Variants in RXFP1 observed in about 807,000 individuals in gnomAD.
The protein encoded by RXFP1 is relaxin family peptide receptor 1.
In RXFP1, 73 loss-of-function variants were observed where a neutral mutation model predicts 89.8. The observed-to-expected ratio is 0.81, with a 90% CI of 0.67 to 0.99. The LOEUF is 0.99. Ranked by LOEUF, RXFP1 falls within the 50% of genes least tolerant of loss-of-function variation. RXFP1 has a pLI of 0.00. For missense variants in RXFP1, 793 were observed against 895.5 expected (o/e 0.89, Z 1.46); for synonymous variants, 277 against 305.5 (o/e 0.91, Z 0.97).
In RXFP1 at chr4:158,612,499, T is replaced by C. The variant is rs892619819; in HGVS notation, c.680+137T>C. 19 of 617,046 alleles carry C rather than the reference T, an allele frequency of 3.1e-5. No individual in the cohort carries two copies. The African/African-American group carries it at 3.5e-4, about 11-fold the overall frequency. The allele number at this position is 617,046 out of a possible 1,614,324, so 38.2% of individuals were successfully genotyped here. A position where few individuals can be genotyped will look rare whatever the true frequency, so the allele number is the denominator to read the frequency against. On this transcript the variant is annotated intron_variant, in intron 8 of 17. Transcript: ENST00000307765. ...TTTTCAATGAAAAACCTTTTCTTAATCATATTCTATAAGGCTATTTATAGT... is the reference window on the plus strand; with the variant it reads ...TTTTCAATGAAAAACCTTTTCTTAACCATATTCTATAAGGCTATTTATAGT...
chr4:158,648,535 C>A lies in RXFP1; in HGVS notation c.1793C>A (p.Ser598Tyr). The change falls in exon 17 of 18, where the codon TCC (serine) becomes TAC (tyrosine). Residue 598 changes from serine (S) to tyrosine (Y), a missense_variant. Coordinates refer to ENST00000307765, the MANE Select transcript of RXFP1 (RefSeq NM_021634.4). The stretch of plus-strand genomic sequence containing the variant: ...GCCGCATTTATCATCATAGTTTTTT[C>A]CTATGGAAGCATGTTTTATAGTGTT... Reference protein sequence around the residue: ...NLAAFIIIVFSYGSMFYSVHQ... With the variant: ...NLAAFIIIVFYYGSMFYSVHQ... 1.2e-6 allele frequency: 2 copies of A among 1,607,654 alleles called. No individual in the cohort carries two copies. The highest frequency in any genetic ancestry group is 2.2e-5 in the South Asian group (2 of 89,578).
chr4:158,585,826 C>T (rs939391948), intron 2 of RXFP1, among the ~76,000 whole-genome samples: 1 of 152,002 alleles, frequency 6.6e-6, no homozygotes, highest in East Asian at 1.9e-4. Flanking sequence ...ATAATAAGAC[C>T]GTTATAAGCA....
At chr4:158,619,745 G>T (rs1005682960) in intron 9 of RXFP1, among the ~76,000 whole-genome samples, 5 of 151,100 alleles carry the variant, frequency 3.3e-5, no homozygotes, top group Non-Finnish European at 7.4e-5. Context: ...AAATCCTCCT[G>T]CACCCAGGGA....
intron 1 of RXFP1, among the ~76,000 whole-genome samples, chr4:158,538,942 T>C (rs1745937936): frequency 1.3e-5 from 2 of 152,144 alleles, no homozygotes; most frequent in Non-Finnish European, 2.9e-5. Context: ...ATTGTTCTAA[T>C]GAGATGAGTA....
chr4:158,585,297 T>TA (rs1758079710), intron 2 of RXFP1, among the ~76,000 whole-genome samples: 1 of 152,212 alleles, frequency 6.6e-6, no homozygotes, highest in Admixed American at 6.5e-5. Context: ...TTCCCAAACA[T>TA]ATGTTACCAT....
chr4:158,651,824 T>A lies in RXFP1; in HGVS notation c.2043T>A (p.Tyr681Ter), dbSNP rs1772797481. Residue 681 changes from tyrosine (Y) to a stop codon, truncating the protein, a stop_gained, in exon 18 of 18, where the codon TAT (tyrosine) becomes TAA (stop). Coordinates refer to ENST00000307765, the MANE Select transcript of RXFP1 (RefSeq NM_021634.4). LOFTEE classifies it high-confidence loss of function. ...PINSALNPILYTLTTRPFKEM... is the reference protein window; with the variant it reads ...PINSALNPIL Reference sequence around the variant, plus strand: ...ACAGTGCTTTGAACCCAATTCTCTATACTCTGACCACAAGACCATTTAAAG... The same window carrying A: ...ACAGTGCTTTGAACCCAATTCTCTAAACTCTGACCACAAGACCATTTAAAG... 2 of 1,614,044 alleles carry A rather than the reference T, an allele frequency of 1.2e-6. No individual in the cohort carries two copies. The highest frequency in any genetic ancestry group is 2.7e-5 in the African/African-American group (2 of 74,938).
At position 158,645,864 on chromosome 4, in the gene RXFP1, G is replaced by GT. The variant is rs377609675; in HGVS notation, c.1345+736dup. 6.3e-3 allele frequency among the ~76,000 whole-genome samples: 935 copies of GT among 147,824 alleles called. 6 individuals carry two copies. Among genetic ancestry groups the GT allele is most frequent in the Non-Finnish European group, 0.011 (713 of 66,616 alleles). On this transcript the variant is annotated intron_variant, in intron 15 of 17. Transcript: ENST00000307765. Reference sequence around the variant, plus strand: ...CTTATTCAAAGTCTAATGTCTAAATGTTTTTTTTTTATTGCAAGCTATGTA... The same window carrying GT: ...CTTATTCAAAGTCTAATGTCTAAATGTTTTTTTTTTTATTGCAAGCTATGTA...
chr4:158,560,264 A>G (rs1579610334), intron 1 of RXFP1, among the ~76,000 whole-genome samples: 1 of 152,200 alleles, frequency 6.6e-6, no homozygotes, highest in East Asian at 1.9e-4. Flanking sequence ...TCCCAGAGAA[A>G]GATTTGATAG....
At chr4:158,543,696 T>G in intron 1 of RXFP1, 1 of 893,994 alleles carries the variant, frequency 1.1e-6, no homozygotes, top group Non-Finnish European at 1.3e-6. Context: ...TCAGTTTTTC[T>G]TCATTTATCT....
chr4:158,630,207 C>G (rs1767760222), intron 11 of RXFP1, among the ~76,000 whole-genome samples: 1 of 152,182 alleles, frequency 6.6e-6, no homozygotes, highest in South Asian at 2.1e-4. Context: ...CCATTAAAAA[C>G]CCAACATTTT....
chr4:158,594,686 C>A (rs1343278694), intron 3 of RXFP1, among the ~76,000 whole-genome samples: 1 of 151,992 alleles, frequency 6.6e-6, no homozygotes, highest in Non-Finnish European at 1.5e-5. Context: ...TACAGTAAAA[C>A]CCAGTTGAAT....
intron 1 of RXFP1, among the ~76,000 whole-genome samples, chr4:158,570,286 G>A (rs1754757775): frequency 6.6e-6 from 1 of 152,132 alleles, no homozygotes; most frequent in Non-Finnish European, 1.5e-5. Flanking sequence ...CAGGAATCGG[G>A]GAAGGTATAA....
chr4:158,600,293 A>T (rs1357018748), intron 4 of RXFP1, among the ~76,000 whole-genome samples: 2 of 152,214 alleles, frequency 1.3e-5, no homozygotes, highest in African/African-American at 4.8e-5. Context: ...CAATTGAAAT[A>T]CTTGGTATAT....
intron 1 of RXFP1, among the ~76,000 whole-genome samples, chr4:158,528,417 GAT>G (rs1285982569): frequency 2.0e-5 from 3 of 152,050 alleles, no homozygotes; most frequent in Non-Finnish European, 2.9e-5. Flanking sequence ...GAGGTGGGAG[GAT>G]CGCTTGAGCC....
intron 8 of RXFP1, among the ~76,000 whole-genome samples, chr4:158,613,792 G>A (rs111980761): frequency 6.6e-6 from 1 of 152,140 alleles, no homozygotes; most frequent in Non-Finnish European, 1.5e-5. Flanking sequence ...TGTTCTTAAT[G>A]GCATCTAGAA....
intron 1 of RXFP1, among the ~76,000 whole-genome samples, chr4:158,549,364 C>A (rs1015217824): frequency 1.2e-4 from 18 of 151,872 alleles, no homozygotes; most frequent in African/African-American, 4.1e-4. Flanking sequence ...AATTTTTTTT[C>A]AAAGTTTTTA....
chr4:158,619,757 C>A (rs1210858495), intron 9 of RXFP1, among the ~76,000 whole-genome samples: 1 of 151,964 alleles, frequency 6.6e-6, no homozygotes, highest in Non-Finnish European at 1.5e-5. Flanking sequence ...ACCCAGGGAC[C>A]AGGCAAAGGT....
At position 158,651,894 on chromosome 4, in the gene RXFP1, A is replaced by G. The variant is rs1483773126; in HGVS notation, c.2113A>G (p.Met705Val). The change falls in exon 18 of 18, where the codon ATG becomes GTG. Residue 705 changes from methionine to valine, a missense_variant. By Grantham distance (21) the Met-to-Val change is conservative. Coordinates refer to ENST00000307765, the MANE Select transcript of RXFP1 (RefSeq NM_021634.4). ...FWYNYRQRKS[M>V]DSKGQKTYAP... Reference sequence around the variant, plus strand: ...GTATAACTACAGACAAAGAAAATCTATGGACAGCAAAGGTCAGAAAACATA... The same window carrying G: ...GTATAACTACAGACAAAGAAAATCTGTGGACAGCAAAGGTCAGAAAACATA... The G allele has an allele frequency of 6.2e-7, 1 of 1,614,202 alleles. No individual in the cohort carries two copies. The highest frequency in any genetic ancestry group is 8.5e-7 in the Non-Finnish European group (1 of 1,180,034).
chr4:158,588,444 C>G (rs1163066360), intron 2 of RXFP1, among the ~76,000 whole-genome samples: 1 of 152,162 alleles, frequency 6.6e-6, no homozygotes, highest in Non-Finnish European at 1.5e-5. Flanking sequence ...AAGTTGACAT[C>G]CATGCTGTTG....
Sources: allele counts gnomAD v4.1 joint callset (sites outside exome capture counted in the v4.1 genomes callset), GRCh38; gene constraint gnomAD v4.1.1; transcripts MANE v1.5; gene names NCBI Gene and HGNC (gene_info 2026-07-23, HGNC 2026-07-21).